The following TENM2 variants were observed in gnomAD, a reference collection of about 807,000 sequenced individuals.
TENM2 encodes teneurin transmembrane protein 2, also known as teneurin-2.
Under a neutral mutation model 245.2 loss-of-function variants are expected in TENM2, and 52 were observed. The ratio of observed to expected loss-of-function variants is 0.21; its 90% CI spans 0.17 to 0.27. TENM2 has a LOEUF of 0.27. Among genes scored for constraint, TENM2 ranks in the 10% least tolerant of loss-of-function variants. The pLI is 1.00. For missense variants in TENM2, 3,046 were observed against 3,666.8 expected (o/e 0.83, Z 4.37); for synonymous variants, 1,363 against 1,438.9 (o/e 0.95, Z 1.19).
chr5:167,044,107 A>G, the TENM2 span, among the ~76,000 whole-genome samples: 1 of 151,988 alleles, frequency 6.6e-6, no homozygotes, highest in African/African-American at 2.4e-5. Context: ...GACAGTGAAG[A>G]CGGTTCATTA....
chr5:167,399,063 A>C lies in TENM2; in HGVS notation c.502+23590A>C, dbSNP rs190223982. Among the ~76,000 whole-genome samples, 10 of 152,266 alleles carry C rather than the reference A, an allele frequency of 6.6e-5. No homozygotes were observed. In the East Asian group the frequency reaches 1.9e-3, roughly 29 times the overall value. On this transcript the variant is annotated intron_variant, in intron 2 of 28. Transcript: ENST00000518659. ...CATTAAAGGCGATGGGGATTAGATA[A>C]TTTTCACTTAAAGTGACTGTCCTCT...
At chr5:167,702,638 TTTGTTTGTTTTGTTTGTTTTTA>T (rs1758240998) in intron 2 of TENM2, among the ~76,000 whole-genome samples, 1 of 150,724 alleles carries the variant, frequency 6.6e-6, no homozygotes, top group Non-Finnish European at 1.5e-5. Flanking sequence ...TTTTTGTTTT[TTTGTTTGTTTTGTTTGTTTTTA>T]TTGTTTGTTT....
At position 167,799,111 on chromosome 5, in the gene TENM2, A is replaced by G. The variant is rs539565506; in HGVS notation, c.503-76875A>G. ...TAGTGGCCCTCCTGCTCCAGGACCC[A>G]TGCATCTGGTCTCCAACCCTCCCTC... On this transcript the variant is annotated intron_variant, in intron 2 of 28. Coordinates refer to ENST00000518659, the Ensembl canonical transcript of TENM2. Among the ~76,000 whole-genome samples the G allele has an allele frequency of 2.6e-5, 4 of 152,240 alleles. No homozygotes were observed. The East Asian group carries it at 5.8e-4, about 22-fold the overall frequency.
At chr5:167,744,963 G>A (rs1187818053) in intron 2 of TENM2, among the ~76,000 whole-genome samples, 1 of 152,128 alleles carries the variant, frequency 6.6e-6, no homozygotes, top group Non-Finnish European at 1.5e-5. Context: ...GGTCTTCCAG[G>A]TATCTTTTTG....
At chr5:166,984,631 T>C in the TENM2 span, among the ~76,000 whole-genome samples, 1 of 152,122 alleles carries the variant, frequency 6.6e-6, no homozygotes, top group African/African-American at 2.4e-5. Flanking sequence ...TTATTGTAAA[T>C]GTTGGAAATA....
chr5:168,238,174 AGAGAGAGAGAGGGAGG>A (rs1452717772), intron 25 of TENM2, among the ~76,000 whole-genome samples: 28 of 77,758 alleles, frequency 3.6e-4, no homozygotes, highest in African/African-American at 2.2e-3. Flanking sequence ...AGAGAGAGAG[AGAGAGAGAGAGGGAGG>A]GAGGGAGGGA....
At chr5:167,526,560 T>C (rs926780175) in intron 2 of TENM2, among the ~76,000 whole-genome samples, 1 of 152,078 alleles carries the variant, frequency 6.6e-6, no homozygotes, top group Admixed American at 6.6e-5. Context: ...TTTGTTTTTT[T>C]CTTTTTTCTT....
intron 2 of TENM2, among the ~76,000 whole-genome samples, chr5:167,576,996 C>T (rs1005375464): frequency 1.3e-5 from 2 of 152,098 alleles, no homozygotes; most frequent in Non-Finnish European, 2.9e-5. Flanking sequence ...AGCTATAAGG[C>T]TTGATGGAGA....
At chr5:167,983,453 A>G (rs1287698242) in intron 4 of TENM2, among the ~76,000 whole-genome samples, 1 of 152,150 alleles carries the variant, frequency 6.6e-6, no homozygotes, top group Admixed American at 6.6e-5. Context: ...TATTTTTGGT[A>G]CGGCTGCAAA....
rs547740658 is a variant in TENM2 at position 168,211,935 on chromosome 5, G to C, written c.3845+181G>C. Among the ~76,000 whole-genome samples, 14 of 152,288 alleles carry C rather than the reference G, an allele frequency of 9.2e-5. No individual in the cohort carries two copies. In the South Asian group the frequency reaches 2.9e-3, roughly 32 times the overall value. On this transcript the variant is annotated intron_variant, in intron 20 of 28. Coordinates refer to ENST00000518659, the Ensembl canonical transcript of TENM2. ...TAAGCTTTAGCAATTATGAAATGCA[G>C]TCAAAAAGCAACCAAATAAGCTGAC...
At chr5:167,901,010 A>G (rs1775659137) in intron 3 of TENM2, among the ~76,000 whole-genome samples, 1 of 148,562 alleles carries the variant, frequency 6.7e-6, no homozygotes, top group South Asian at 2.1e-4. Flanking sequence ...TAATTCCTTG[A>G]ATTTTTTTTC....
At chr5:167,719,917 C>CAGT (rs1051924220) in intron 2 of TENM2, among the ~76,000 whole-genome samples, 2 of 151,962 alleles carry the variant, frequency 1.3e-5, no homozygotes, top group Non-Finnish European at 2.9e-5. Flanking sequence ...GTTGAGAACC[C>CAGT]TTGCTGTAGA....
the TENM2 span, among the ~76,000 whole-genome samples, chr5:167,090,241 T>G: frequency 6.8e-6 from 1 of 147,600 alleles, no homozygotes; most frequent in Non-Finnish European, 1.5e-5. Context: ...ACAGAATTCT[T>G]AAAAAAAAAA....
At chr5:168,162,113 A>G (rs1178982408) in intron 12 of TENM2, among the ~76,000 whole-genome samples, 1 of 152,208 alleles carries the variant, frequency 6.6e-6, no homozygotes, top group African/African-American at 2.4e-5. Context: ...GTTTTCAGTC[A>G]TGAGAAGCTC....
the TENM2 span, among the ~76,000 whole-genome samples, chr5:167,157,839 G>C: frequency 6.6e-6 from 1 of 152,180 alleles, no homozygotes; most frequent in Non-Finnish European, 1.5e-5. Flanking sequence ...ACAATTTGGA[G>C]ATATGAGAGC....
At chr5:167,971,712 CAAACAAAACA>C (rs531603530) in intron 4 of TENM2, among the ~76,000 whole-genome samples, 1 of 95,940 alleles carries the variant, frequency 1.0e-5, no homozygotes, top group Admixed American at 1.2e-4. Flanking sequence ...AACAAACAAA[CAAACAAAACA>C]AAACAAAACA....
At position 167,746,675 on chromosome 5, in the gene TENM2, CAGAGAGAGAGAGAGAG is replaced by C. The variant is rs57973052; in HGVS notation, c.503-129286_503-129271del. On this transcript the variant is annotated intron_variant, in intron 2 of 28. Coordinates refer to ENST00000518659, the Ensembl canonical transcript of TENM2. ...GGGCACTGTAGAGCTAAATTACCAA[CAGAGAGAGAGAGAGAG>C]AGAGAGAGAGAGAGAGAGAGAGAGC... 1.0e-4 allele frequency among the ~76,000 whole-genome samples: 12 copies of C among 117,192 alleles called. No homozygotes were observed. The South Asian group carries it at 2.5e-3, about 24-fold the overall frequency. The allele number at this position is 117,192 out of a possible 152,430, so 76.9% of individuals were successfully genotyped here. A position where few individuals can be genotyped will look rare whatever the true frequency, so the allele number is the denominator to read the frequency against.
chr5:168,069,728 C>T (rs1243962433), intron 7 of TENM2, among the ~76,000 whole-genome samples: 1 of 152,166 alleles, frequency 6.6e-6, no homozygotes, highest in Non-Finnish European at 1.5e-5. Flanking sequence ...TCTTCTTTCT[C>T]TCTGGTGCTC....
chr5:167,470,465 T>TTTTTTTA (rs1766949628), intron 2 of TENM2, among the ~76,000 whole-genome samples: 1 of 146,688 alleles, frequency 6.8e-6, no homozygotes, highest in African/African-American at 2.5e-5. Flanking sequence ...TTTTTTTTTT[T>TTTTTTTA]TTTTTTTTTT....
Sources: gnomAD v4.1 joint callset for allele counts (sites outside exome capture counted in the v4.1 genomes callset) on GRCh38, gnomAD v4.1.1 for gene constraint, MANE v1.5 for transcripts, NCBI Gene and HGNC (gene_info 2026-07-23, HGNC 2026-07-21) for gene names.